Variants in EHHADH observed in about 807,000 individuals in gnomAD.
EHHADH encodes enoyl-CoA hydratase and 3-hydroxyacyl CoA dehydrogenase.
Under a neutral mutation model 64.4 loss-of-function variants are expected in EHHADH, and 48 were observed. That is an observed-to-expected ratio of 0.75 (90% CI 0.59 to 0.95). The LOEUF is 0.95. Ranked by LOEUF, EHHADH falls within the 40% of genes least tolerant of loss-of-function variation. The pLI, the probability that EHHADH is intolerant of heterozygous loss-of-function variation, is 0.00. For synonymous variants in EHHADH, 308 were observed against 326.7 expected, an observed-to-expected ratio of 0.94 and a Z score of 0.62; for missense variants, 854 against 876.6, an observed-to-expected ratio of 0.97 and a Z score of 0.33.
chr3:185,226,048 G>A (rs1718963357), intron 4 of EHHADH, among the ~76,000 whole-genome samples: 1 of 152,130 alleles, frequency 6.6e-6, no homozygotes, highest in Non-Finnish European at 1.5e-5. Flanking sequence ...AGGCATATGT[G>A]TGTGCATACA....
At chr3:185,227,757 C>T (rs915750096) in intron 4 of EHHADH, among the ~76,000 whole-genome samples, 2 of 152,030 alleles carry the variant, frequency 1.3e-5, no homozygotes, top group Admixed American at 1.3e-4. Flanking sequence ...ACCTGGGAGG[C>T]GGAGGTTGTG....
intron 5 of EHHADH, among the ~76,000 whole-genome samples, chr3:185,210,405 G>A (rs1398754566): frequency 6.6e-6 from 1 of 152,068 alleles, no homozygotes; most frequent in Admixed American, 6.5e-5. Context: ...GGAGGCCGAG[G>A]CAGGTGGATC....
chr3:185,193,936 A>G (rs534512912), intron 6 of EHHADH, among the ~76,000 whole-genome samples: 1 of 152,232 alleles, frequency 6.6e-6, no homozygotes, highest in Non-Finnish European at 1.5e-5. Flanking sequence ...AAGACCAAAT[A>G]AATGGAAAAA....
intron 6 of EHHADH, among the ~76,000 whole-genome samples, chr3:185,201,681 C>T (rs561461832): frequency 5.9e-5 from 9 of 152,286 alleles, no homozygotes; most frequent in Non-Finnish European, 8.8e-5. Flanking sequence ...TTTCTATCTA[C>T]GTGTCTTTTA....
intron 2 of EHHADH, among the ~76,000 whole-genome samples, chr3:185,236,745 T>G (rs954864544): frequency 4.6e-5 from 7 of 152,194 alleles, no homozygotes; most frequent in African/African-American, 1.7e-4. Context: ...TTTCAATTCC[T>G]TTTGGTTCTA....
intron 4 of EHHADH, among the ~76,000 whole-genome samples, chr3:185,221,864 G>A (rs1201673216): frequency 3.3e-5 from 5 of 151,774 alleles, no homozygotes; most frequent in African/African-American, 1.2e-4. Context: ...ATGAGCCACC[G>A]TGCCCGGCCC....
intron 4 of EHHADH, among the ~76,000 whole-genome samples, chr3:185,222,788 C>G (rs1274377785): frequency 6.6e-6 from 1 of 152,156 alleles, no homozygotes; most frequent in Non-Finnish European, 1.5e-5. Flanking sequence ...CTTTAAGAAC[C>G]CTGAGATTTA....
chr3:185,239,401 C>T (rs995365297), intron 2 of EHHADH, among the ~76,000 whole-genome samples: 9 of 152,066 alleles, frequency 5.9e-5, no homozygotes, highest in African/African-American at 2.2e-4. Context: ...AATATTGATT[C>T]TTTCAATGCA....
At chr3:185,248,651 G>A (rs371962830) in intron 1 of EHHADH, 134 bp from the exon 2 acceptor site, 1 of 604,880 alleles carries the variant, frequency 1.7e-6, no homozygotes, top group Non-Finnish European at 2.9e-6. Flanking sequence ...TCTCAATAAA[G>A]CTTCCAACAA....
chr3:185,228,336 T>C (rs1308931411), intron 4 of EHHADH, among the ~76,000 whole-genome samples: 1 of 139,932 alleles, frequency 7.1e-6, no homozygotes, highest in Non-Finnish European at 1.5e-5. Flanking sequence ...CTAAATGTGG[T>C]CTAGTGTTGT....
In EHHADH at chr3:185,192,024, T is replaced by C. The variant is rs1717883602; in HGVS notation, c.*202A>G. ...CACACAAGTTCATGCATTGAATTTA[T>C]CTGATAAGGACAGATTCAGAGGCAT... On this transcript the variant is annotated 3_prime_UTR_variant, in exon 7 of 7. Transcript: ENST00000231887. 1 of 583,440 alleles carries C rather than the reference T, an allele frequency of 1.7e-6. No homozygotes were observed. The highest frequency in any genetic ancestry group is 2.9e-5 in the East Asian group (1 of 34,844). 36.1% of individuals were successfully genotyped at this position (583,440 alleles called of 1,614,324 possible). A position where few individuals can be genotyped will look rare whatever the true frequency, so the allele number is the denominator to read the frequency against.
intron 5 of EHHADH, among the ~76,000 whole-genome samples, chr3:185,217,350 G>T (rs1285934925): frequency 6.6e-6 from 1 of 151,880 alleles, no homozygotes; most frequent in African/African-American, 2.4e-5. Context: ...TTCGAGATGA[G>T]CCTGGCAAAC....
rs199916968 is a variant in EHHADH, at chr3:185,192,534, G to A, written c.1864C>T (p.Arg622Cys). The A allele has an allele frequency of 8.0e-4, 1,284 of 1,614,170 alleles. 3 individuals carry two copies. The highest frequency in any genetic ancestry group is 1.9e-3 in the South Asian group (177 of 91,084). ...RTISQDEILERCLYSLINEAF... is the reference protein window; with the variant it reads ...RTISQDEILECCLYSLINEAF... ...TCATTGATAAGTGAATATAAGCAGC[G>A]TTCAAGGATCTCATCCTGGCTAATG... The change falls in exon 7 of 7, where the codon CGC becomes TGC. Residue 622 changes from arginine (R) to cysteine (C), a missense_variant. By Grantham distance (180) the Arg-to-Cys change is radical. Coordinates refer to ENST00000231887, the MANE Select transcript of EHHADH (RefSeq NM_001966.4).
intron 5 of EHHADH, among the ~76,000 whole-genome samples, chr3:185,210,021 C>T (rs898626082): frequency 3.3e-5 from 5 of 152,074 alleles, no homozygotes; most frequent in Admixed American, 1.3e-4. Context: ...TTTAATGTGC[C>T]GGTGACCTAA....
At chr3:185,239,475 T>C (rs920953017) in intron 2 of EHHADH, among the ~76,000 whole-genome samples, 1 of 152,200 alleles carries the variant, frequency 6.6e-6, no homozygotes, top group African/African-American at 2.4e-5. Context: ...TGTTTTGTAG[T>C]ACCCCTTGTA....
At position 185,218,120 on chromosome 3, in the gene EHHADH, A is replaced by C. The variant is rs112671232; in HGVS notation, c.568+16T>G. 3,680 of 1,565,774 alleles carry C rather than the reference A, an allele frequency of 2.4e-3. 7 individuals carry two copies. The highest frequency in any genetic ancestry group is 3.1e-3 in the Non-Finnish European group (3,513 of 1,147,330). On this transcript the variant is annotated intron_variant, in intron 5 of 6. Coordinates refer to ENST00000231887, the MANE Select transcript of EHHADH (RefSeq NM_001966.4). Reference sequence around the variant, plus strand: ...CTGTTTACAGTCTTTGGCTATTTTTATTATTATCTTCTTACCTGAAACTCT... The same window carrying C: ...CTGTTTACAGTCTTTGGCTATTTTTCTTATTATCTTCTTACCTGAAACTCT...
intron 2 of EHHADH, among the ~76,000 whole-genome samples, chr3:185,244,580 T>C (rs938990960): frequency 6.6e-6 from 1 of 152,160 alleles, no homozygotes; most frequent in African/African-American, 2.4e-5. Flanking sequence ...GTGTGACATT[T>C]GGAAAGAAGG....
chr3:185,213,581 T>C (rs1718606137), intron 5 of EHHADH, among the ~76,000 whole-genome samples: 1 of 152,120 alleles, frequency 6.6e-6, no homozygotes, highest in Non-Finnish European at 1.5e-5. Flanking sequence ...CACTAACCAC[T>C]GTATTTAAAA....
intron 4 of EHHADH, among the ~76,000 whole-genome samples, chr3:185,223,964 G>A (rs952483757): frequency 2.0e-5 from 3 of 152,208 alleles, no homozygotes; most frequent in Admixed American, 6.5e-5. Flanking sequence ...TTCATTTTCA[G>A]ACGGCATTCT....
Sources: gnomAD v4.1 joint callset for allele counts (sites outside exome capture counted in the v4.1 genomes callset) on GRCh38, gnomAD v4.1.1 for gene constraint, MANE v1.5 for transcripts, NCBI Gene and HGNC (gene_info 2026-07-23, HGNC 2026-07-21) for gene names.